Variants in RXFP2 observed in about 807,000 individuals in gnomAD.
RXFP2 encodes relaxin family peptide receptor 2, also known as relaxin receptor 2.
Under a neutral mutation model 88.6 loss-of-function variants are expected in RXFP2, and 68 were observed. The ratio of observed to expected loss-of-function variants is 0.77; its 90% CI spans 0.63 to 0.94. The LOEUF (loss-of-function observed/expected upper bound fraction) is 0.94, where lower values mean the gene tolerates loss of function less well. RXFP2 is among the 40% of genes least tolerant of loss of function. The probability of loss-of-function intolerance (pLI) is 0.00; values close to 1 mark genes in which losing one functional copy is unlikely to be tolerated. For missense variants in RXFP2, 791 were observed against 893.9 expected, an observed-to-expected ratio of 0.88 and a Z score of 1.47; for synonymous variants, 329 against 306.8, an observed-to-expected ratio of 1.07 and a Z score of -0.76.
intron 1 of RXFP2, among the ~76,000 whole-genome samples, chr13:31,748,222 C>T (rs1871507539): frequency 6.6e-6 from 1 of 152,164 alleles, no homozygotes; most frequent in African/African-American, 2.4e-5. Flanking sequence ...TGCACATGTG[C>T]ATGAATTTCT....
chr13:31,802,324 G>A lies in RXFP2; in HGVS notation c.2184G>A (p.Trp728Ter). The A allele has an allele frequency of 6.2e-7, 1 of 1,613,194 alleles. No homozygotes were observed. Among genetic ancestry groups the A allele is most frequent in the Non-Finnish European group, 8.5e-7 (1 of 1,179,230 alleles). The change falls in exon 18 of 18, where the codon TGG becomes TGA. Residue 728 changes from tryptophan to a stop codon, truncating the protein, a stop_gained. Transcript: ENST00000298386. LOFTEE classifies it high-confidence loss of function. ...KKKSLSTSIV[W>*]IEDSSSLKLG... ...AAAGTTTATCTACATCCATTGTGTG[G>A]ATAGAGGACTCCTCTTCCCTGAAAC...
intron 4 of RXFP2, among the ~76,000 whole-genome samples, chr13:31,765,440 T>TG (rs201396680): frequency 0.011 from 1,604 of 152,262 alleles, 6 homozygotes; most frequent in Middle Eastern, 0.031. Flanking sequence ...TGCTTTTTTT[T>TG]TTTGTTTTAA....
intron 15 of RXFP2, 147 bp downstream of exon 15, chr13:31,792,182 T>G: frequency 1.5e-6 from 1 of 668,982 alleles, no homozygotes; most frequent in Admixed American, 2.9e-5. Flanking sequence ...ATATAAAAGT[T>G]CTGGCTCTTT....
chr13:31,793,053 T>C lies in RXFP2; in HGVS notation c.1751T>C (p.Ile584Thr). Residue 584 changes from isoleucine (I) to threonine (T), a missense_variant, in exon 16 of 18, where the codon ATT (isoleucine) becomes ACT (threonine). Ile to Thr is a moderately conservative substitution (Grantham distance 89, BLOSUM62 -1). Transcript: ENST00000298386. ...FPLYYDQTED[I>T]GSKGYSLGIF... ...CTTTATTATGACCAAACAGAAGATA[T>C]TGGAAGCAAAGGGTATTCTCTTGGA... 4 of 1,613,294 alleles carry C rather than the reference T, an allele frequency of 2.5e-6. No individual in the cohort carries two copies. The South Asian group carries it at 3.3e-5, about 13-fold the overall frequency.
intron 17 of RXFP2, among the ~76,000 whole-genome samples, chr13:31,800,775 G>T (rs1345704900): frequency 2.0e-5 from 3 of 152,034 alleles, no homozygotes; most frequent in Admixed American, 1.3e-4. Flanking sequence ...TTCCCTTTGT[G>T]GGCACAACAG....
At chr13:31,765,283 C>G (rs1185467694) in intron 4 of RXFP2, 141 bp downstream of exon 4, 1 of 650,966 alleles carries the variant, frequency 1.5e-6, no homozygotes, top group African/African-American at 1.8e-5. Context: ...ATTCTCCATG[C>G]TTCCTATTCA....
At chr13:31,796,395 T>G (rs1874049025) in intron 16 of RXFP2, among the ~76,000 whole-genome samples, 1 of 151,880 alleles carries the variant, frequency 6.6e-6, no homozygotes, top group Non-Finnish European at 1.5e-5. Context: ...GGTTATTTTA[T>G]TCATTTATTA....
At chr13:31,760,570 A>G (rs1409410889) in intron 2 of RXFP2, among the ~76,000 whole-genome samples, 1 of 152,230 alleles carries the variant, frequency 6.6e-6, no homozygotes, top group Non-Finnish European at 1.5e-5. Flanking sequence ...TCTTTGCTGC[A>G]TGGGAATCAG....
chr13:31,792,114 C>A, intron 15 of RXFP2, 79 bp downstream of exon 15: 2 of 1,057,616 alleles, frequency 1.9e-6, no homozygotes, highest in Non-Finnish European at 2.8e-6. Context: ...TATTTATTGG[C>A]TTTCAACAAA....
intron 1 of RXFP2, among the ~76,000 whole-genome samples, chr13:31,743,692 ATC>A (rs1213254672): frequency 6.6e-6 from 1 of 150,978 alleles, no homozygotes; most frequent in Non-Finnish European, 1.5e-5. Context: ...CTCTGCAGGC[ATC>A]TGTCTCAGAT....
rs140365544 is a variant in RXFP2, at chr13:31,755,976, C to T, written c.95-2282C>T. 3.9e-5 allele frequency among the ~76,000 whole-genome samples: 6 copies of T among 152,300 alleles called. No individual in the cohort carries two copies. The East Asian group carries it at 9.7e-4, about 25-fold the overall frequency. ...CCTCCGAAGTGTGCACCAGCACACC[C>T]GGCTGACCCCAGAGAGGGCCAGAGG... On this transcript the variant is annotated intron_variant, in intron 1 of 17. Coordinates refer to ENST00000298386, the MANE Select transcript of RXFP2 (RefSeq NM_130806.5).
At chr13:31,796,038 C>CTTTTTTTTTT (rs776535132) in intron 16 of RXFP2, among the ~76,000 whole-genome samples, 7 of 36,982 alleles carry the variant, frequency 1.9e-4, no homozygotes, top group African/African-American at 6.1e-4. Flanking sequence ...ATGTGTTATT[C>CTTTTTTTTTT]TTTTTTTTTT....
intron 11 of RXFP2, among the ~76,000 whole-genome samples, chr13:31,782,985 T>C (rs1873357863): frequency 6.6e-6 from 1 of 152,226 alleles, no homozygotes; most frequent in Non-Finnish European, 1.5e-5. Flanking sequence ...TTGGGTGATT[T>C]CTTATTTATG....
At position 31,781,753 on chromosome 13, in the gene RXFP2, A is replaced by G. The variant is rs755566668; in HGVS notation, c.857+11A>G. 2 of 1,594,334 alleles carry G rather than the reference A, an allele frequency of 1.3e-6. No individual in the cohort carries two copies. The highest frequency in any genetic ancestry group is 1.1e-5 in the South Asian group (1 of 90,392). On this transcript the variant is annotated intron_variant, in intron 10 of 17. Transcript: ENST00000298386. ...TTCGCTCACAGTGCTGTAAGTATAC[A>G]ATGGACTTCACTAAATGAGGGGAAA...
chr13:31,800,558 T>G lies in RXFP2; in HGVS notation c.2006-1588T>G, dbSNP rs9566513. On this transcript the variant is annotated intron_variant, in intron 17 of 17. Transcript: ENST00000298386. ...CTGCACTCCAGCCTGGGCGACAGAG[T>G]GAGACTCCATTTCAAAAACAAAACA... Among the ~76,000 whole-genome samples the G allele has an allele frequency of 1.2e-4, 18 of 152,032 alleles. 1 individual carries two copies. The highest frequency in any genetic ancestry group is 1.5e-4 in the Non-Finnish European group (10 of 67,966).
At chr13:31,781,240 C>A (rs1873255009) in intron 9 of RXFP2, among the ~76,000 whole-genome samples, 1 of 152,150 alleles carries the variant, frequency 6.6e-6, no homozygotes, top group African/African-American at 2.4e-5. Context: ...AGTTCTACCA[C>A]TTACTAGCTG....
chr13:31,762,356 A>G (rs1057048234), intron 3 of RXFP2, among the ~76,000 whole-genome samples: 1 of 152,224 alleles, frequency 6.6e-6, no homozygotes, highest in African/African-American at 2.4e-5. Flanking sequence ...AAAGGATATG[A>G]GGTGACAGGA....
chr13:31,776,822 T>C (rs1873010555), intron 7 of RXFP2, among the ~76,000 whole-genome samples: 1 of 152,190 alleles, frequency 6.6e-6, no homozygotes, highest in South Asian at 2.1e-4. Context: ...TAATTTCTTC[T>C]ATAAAATATA....
intron 11 of RXFP2, among the ~76,000 whole-genome samples, chr13:31,783,509 G>A (rs1287547759): frequency 2.1e-5 from 2 of 93,614 alleles, no homozygotes; most frequent in Non-Finnish European, 2.3e-5. Context: ...GAAAGGATTG[G>A]AGAAAATAAT....
Sources: allele counts gnomAD v4.1 joint callset (sites outside exome capture counted in the v4.1 genomes callset), GRCh38; gene constraint gnomAD v4.1.1; transcripts MANE v1.5; gene names NCBI Gene and HGNC (gene_info 2026-07-23, HGNC 2026-07-21).